The following PACRGL variants were observed in gnomAD, a reference collection of about 807,000 sequenced individuals.
The protein encoded by PACRGL is parkin coregulated like, also known as PACRG-like protein.
A neutral mutation model predicts 34.5 loss-of-function variants in PACRGL; 38 were observed. The observed-to-expected ratio is 1.10, with a 90% CI of 0.85 to 1.44. The LOEUF is 1.44. PACRGL is among the 40% of genes most tolerant of loss of function. The pLI, the probability that PACRGL is intolerant of heterozygous loss-of-function variation, is 0.00. For synonymous variants in PACRGL, 128 were observed against 100.1 expected, an observed-to-expected ratio of 1.28 and a Z score of -1.66; for missense variants, 305 against 281.4, an observed-to-expected ratio of 1.08 and a Z score of -0.60.
chr4:20,744,650 G>T (rs1255143848), intron 8 of PACRGL, among the ~76,000 whole-genome samples: 1 of 152,042 alleles, frequency 6.6e-6, no homozygotes, highest in East Asian at 1.9e-4. Flanking sequence ...GATAGCATTA[G>T]GAGAAATAAA....
At chr4:20,715,351 C>G (rs1739386793) in intron 7 of PACRGL, among the ~76,000 whole-genome samples, 1 of 151,858 alleles carries the variant, frequency 6.6e-6, no homozygotes. Context: ...TGCAGCACAC[C>G]AGCATGGCAC....
At chr4:20,752,005 C>G (rs1753721575) in intron 8 of PACRGL, among the ~76,000 whole-genome samples, 1 of 151,082 alleles carries the variant, frequency 6.6e-6, no homozygotes, top group Non-Finnish European at 1.5e-5. Flanking sequence ...TTGTGTGGCT[C>G]AGTTTCCTCA....
chr4:20,756,358 G>A (rs73802311), downstream of PACRGL, among the ~76,000 whole-genome samples: 762 of 152,084 alleles, frequency 5.0e-3, 8 homozygotes, highest in African/African-American at 0.017. Context: ...CTATCCCATC[G>A]CATCACTATC....
In PACRGL at chr4:20,704,814, G is replaced by A. The variant is rs765788911; in HGVS notation, c.207G>A (p.Pro69=). The change falls in exon 3 of 9, where the codon CCG becomes CCA. Residue 69 remains proline (P), a splice_region_variant and synonymous_variant. Coordinates refer to ENST00000503585, the MANE Select transcript of PACRGL (RefSeq NM_001258345.3). ...SDKLNPKTIN[P]FGEQSRVPSA... ...AACTGAACCCTAAAACAATTAATCC[G>A]GTAGGTCCAAAACTATTCCTAACTC... 29 of 1,613,604 alleles carry A rather than the reference G, an allele frequency of 1.8e-5. No homozygotes were observed. Among genetic ancestry groups the A allele is most frequent in the East Asian group, 1.3e-4 (6 of 44,864 alleles).
chr4:20,705,277 G>A (rs1272607840), intron 3 of PACRGL, among the ~76,000 whole-genome samples: 1 of 152,048 alleles, frequency 6.6e-6, no homozygotes, highest in Non-Finnish European at 1.5e-5. Flanking sequence ...AATAAACATG[G>A]GATTTATGCA....
At chr4:20,701,674 A>G (rs1007171004) in intron 1 of PACRGL, 42 of 333,966 alleles carry the variant, frequency 1.3e-4, no homozygotes, top group Admixed American at 3.9e-4. Flanking sequence ...CCAGGTGGAT[A>G]TTATTTTAAA....
chr4:20,735,725 T>A (rs1578431513), downstream of PACRGL, among the ~76,000 whole-genome samples: 2 of 151,902 alleles, frequency 1.3e-5, no homozygotes. Flanking sequence ...TTGGTAGAGA[T>A]GGGGTTTCAC....
intron 8 of PACRGL, among the ~76,000 whole-genome samples, chr4:20,744,653 G>T (rs1482096940): frequency 6.6e-6 from 1 of 151,952 alleles, no homozygotes; most frequent in African/African-American, 2.4e-5. Context: ...AGCATTAGGA[G>T]AAATAAATAA....
At chr4:20,722,611 T>G (rs190263560) in intron 7 of PACRGL, among the ~76,000 whole-genome samples, 150 of 152,340 alleles carry the variant, frequency 9.8e-4, no homozygotes, top group African/African-American at 3.2e-3. Context: ...ACTGCCTGCC[T>G]GTGTGGTTGA....
chr4:20,712,319 T>C (rs1019396485), intron 5 of PACRGL, among the ~76,000 whole-genome samples: 12 of 151,622 alleles, frequency 7.9e-5, no homozygotes, highest in Non-Finnish European at 1.2e-4. Flanking sequence ...TCATGTACAG[T>C]TGGCCCTTCC....
In PACRGL at chr4:20,729,083, T is replaced by C. The variant is rs1255321934; in HGVS notation, c.*1742T>C. ...TGCTAATTTTGCTTGCTGTTTGTTCTTAGTAGACAGTGGGGTAGTCAAGGT... is the reference window on the plus strand; with the variant it reads ...TGCTAATTTTGCTTGCTGTTTGTTCCTAGTAGACAGTGGGGTAGTCAAGGT... On this transcript the variant is annotated 3_prime_UTR_variant, in exon 9 of 9. Transcript: ENST00000503585. 6.6e-6 allele frequency: 1 copy of C among 151,964 alleles called. No homozygotes were observed. The highest frequency in any genetic ancestry group is 2.4e-5 in the African/African-American group (1 of 41,368). 9.4% of individuals were successfully genotyped at this position (151,964 alleles called of 1,614,324 possible).
At chr4:20,735,453 C>T (rs1749354300), downstream of PACRGL, among the ~76,000 whole-genome samples, 1 of 150,790 alleles carries the variant, frequency 6.6e-6, no homozygotes, top group Non-Finnish European at 1.5e-5. Context: ...ATGGAGCCCT[C>T]AGTTTGTATC....
At chr4:20,705,945 A>G (rs1247536761) in intron 3 of PACRGL, among the ~76,000 whole-genome samples, 3 of 149,052 alleles carry the variant, frequency 2.0e-5, no homozygotes, top group African/African-American at 5.0e-5. Context: ...CTGTTGATAA[A>G]CAGGTGTGTT....
intron 8 of PACRGL, among the ~76,000 whole-genome samples, chr4:20,745,160 T>A (rs1015710371): frequency 1.3e-4 from 20 of 152,150 alleles, no homozygotes; most frequent in Non-Finnish European, 2.4e-4. Flanking sequence ...CACCCTTAGG[T>A]TGTAGCCAGC....
At chr4:20,735,815 G>T (rs981793076), downstream of PACRGL, among the ~76,000 whole-genome samples, 38 of 152,176 alleles carry the variant, frequency 2.5e-4, no homozygotes, top group Admixed American at 9.2e-4. Flanking sequence ...GATTACAGGC[G>T]TGAGCCACCA....
intron 6 of PACRGL, 81 bp from the exon 7 acceptor site, chr4:20,713,351 C>G: frequency 2.7e-6 from 3 of 1,091,892 alleles, no homozygotes; most frequent in Non-Finnish European, 4.1e-6. Context: ...CTTGCTTGCC[C>G]TTTTTTCTAA....
At chr4:20,723,222 CAG>C (rs1458701665) in intron 7 of PACRGL, among the ~76,000 whole-genome samples, 1 of 152,136 alleles carries the variant, frequency 6.6e-6, no homozygotes, top group Non-Finnish European at 1.5e-5. Context: ...AGCTTCATGT[CAG>C]GGGGTGTGGC....
At chr4:20,744,370 C>G (rs1424715716) in intron 8 of PACRGL, among the ~76,000 whole-genome samples, 1 of 152,106 alleles carries the variant, frequency 6.6e-6, no homozygotes, top group Non-Finnish European at 1.5e-5. Flanking sequence ...AAATGTCCAT[C>G]AATGATAGAC....
rs566111414 is a variant in PACRGL, at chr4:20,718,620, T to C, written c.609+5081T>C. On this transcript the variant is annotated intron_variant, in intron 7 of 8. Transcript: ENST00000503585. ...TTTGTCTTTGGTTCTGTTTATATGC[T>C]GGATTACATTTATTAATTTGCATAT... 2.6e-5 allele frequency among the ~76,000 whole-genome samples: 4 copies of C among 152,346 alleles called. No homozygotes were observed. In the East Asian group the frequency reaches 7.7e-4, roughly 29 times the overall value.
Sources: gnomAD v4.1 joint callset for allele counts (sites outside exome capture counted in the v4.1 genomes callset) on GRCh38, gnomAD v4.1.1 for gene constraint, MANE v1.5 for transcripts, NCBI Gene and HGNC (gene_info 2026-07-23, HGNC 2026-07-21) for gene names.